The following TRPC3 variants were observed in gnomAD, a reference collection of about 807,000 sequenced individuals.
The protein encoded by TRPC3 is transient receptor potential cation channel subfamily C member 3, also known as short transient receptor potential channel 3.
TRPC3 carries 54 observed loss-of-function variants against 90.9 expected under a neutral mutation model. That is an observed-to-expected ratio of 0.59 (90% CI 0.48 to 0.75). The LOEUF is 0.75. TRPC3 is among the 30% of genes least tolerant of loss of function. The pLI is 0.00. For missense variants in TRPC3, 918 were observed against 1,194.5 expected (o/e 0.77, Z 3.41); for synonymous variants, 424 against 450.9 (o/e 0.94, Z 0.75).
intron 9 of TRPC3, among the ~76,000 whole-genome samples, chr4:121,901,690 C>CA (rs1728704446): frequency 6.6e-6 from 1 of 152,162 alleles, no homozygotes; most frequent in Non-Finnish European, 1.5e-5. Context: ...CAAAGTTAGA[C>CA]AATTGTCTAC....
chr4:121,925,787 G>A (rs1196892494), intron 2 of TRPC3, among the ~76,000 whole-genome samples: 1 of 152,042 alleles, frequency 6.6e-6, no homozygotes, highest in African/African-American at 2.4e-5. Context: ...GCATCCCATG[G>A]TACCCATGGT....
At chr4:121,933,515 A>G (rs1276676901) in intron 1 of TRPC3, 1 of 152,714 alleles carries the variant, frequency 6.5e-6, no homozygotes. Flanking sequence ...TTAACTAAAT[A>G]AAATCATTGA....
intron 2 of TRPC3, chr4:121,930,827 A>C (rs1391964037): frequency 1.2e-5 from 4 of 330,316 alleles, no homozygotes; most frequent in Non-Finnish European, 2.2e-5. Flanking sequence ...TTGCTCTGAG[A>C]TCTAAAAAAA....
intron 10 of TRPC3, among the ~76,000 whole-genome samples, chr4:121,890,146 C>T (rs144962874): frequency 6.6e-6 from 1 of 152,192 alleles, no homozygotes; most frequent in African/African-American, 2.4e-5. Context: ...AGAATAGTGG[C>T]TACCAGAAGT....
chr4:121,881,140 G>A (rs1440446281), intron 11 of TRPC3, among the ~76,000 whole-genome samples: 7 of 152,140 alleles, frequency 4.6e-5, no homozygotes, highest in Admixed American at 4.6e-4. Flanking sequence ...CCGACTCATG[G>A]GGAGACTACA....
chr4:121,931,559 TA>T (rs33998357), intron 2 of TRPC3, among the ~76,000 whole-genome samples: 90,162 of 151,980 alleles, frequency 0.59, 26,917 homozygotes, highest in East Asian at 0.8. Flanking sequence ...GTTCACTTAT[TA>T]AAAAAAATCT....
rs1225269926 is a variant in TRPC3 at position 121,882,348 on chromosome 4, G to A, written c.2623+6C>T. 1.2e-6 allele frequency: 2 copies of A among 1,605,612 alleles called. No individual in the cohort carries two copies. The highest frequency in any genetic ancestry group is 3.4e-5 in the Admixed American group (2 of 59,182). On this transcript the variant is annotated splice_donor_region_variant and intron_variant, in intron 11 of 11. Transcript: ENST00000379645. The stretch of plus-strand genomic sequence containing the variant: ...AAAGGATATTTTTTAAGTTGGAGAT[G>A]CTTACCTTCATTAACTTCATCATTT...
At chr4:121,942,912 G>A (rs1277572450) in intron 1 of TRPC3, among the ~76,000 whole-genome samples, 1 of 152,212 alleles carries the variant, frequency 6.6e-6, no homozygotes, top group Non-Finnish European at 1.5e-5. Flanking sequence ...AAGTATTCAA[G>A]CAAATGCCTT....
rs576309245 is a variant in TRPC3, at chr4:121,896,785, A to T, written c.2547+2827T>A. On this transcript the variant is annotated intron_variant, in intron 10 of 11. Transcript: ENST00000379645. ...CAATGACATTATTCACAGAAATAGA[A>T]ATAATATCCTAAAATTTGTAGGGAA... 4.6e-5 allele frequency among the ~76,000 whole-genome samples: 7 copies of T among 152,306 alleles called. No individual in the cohort carries two copies. The South Asian group carries it at 1.5e-3, about 32-fold the overall frequency.
intron 1 of TRPC3, among the ~76,000 whole-genome samples, chr4:121,945,772 G>C (rs950868020): frequency 5.9e-5 from 9 of 152,060 alleles, no homozygotes; most frequent in African/African-American, 2.2e-4. Context: ...TCTAGACGTG[G>C]GGATACCAGG....
At chr4:121,915,547 A>T (rs1280336957) in intron 3 of TRPC3, among the ~76,000 whole-genome samples, 2 of 152,218 alleles carry the variant, frequency 1.3e-5, no homozygotes, top group African/African-American at 2.4e-5. Context: ...ACTGGCACCA[A>T]ATGCCACTTC....
rs557687595 is a variant in TRPC3 at position 121,894,159 on chromosome 4, C to T, written c.2547+5453G>A. On this transcript the variant is annotated intron_variant, in intron 10 of 11. Transcript: ENST00000379645. ...AATAGCTAAATATTAGCAATATCCT[C>T]TATTTTCATCAATAAAAGAATGATT... Among the ~76,000 whole-genome samples the T allele has an allele frequency of 9.9e-5, 15 of 152,182 alleles. No homozygotes were observed. In the South Asian group the frequency reaches 3.1e-3, roughly 32 times the overall value.
At chr4:121,928,434 G>A (rs1053754771) in intron 2 of TRPC3, among the ~76,000 whole-genome samples, 1 of 152,164 alleles carries the variant, frequency 6.6e-6, no homozygotes, top group Non-Finnish European at 1.5e-5. Context: ...GGGAAAGATG[G>A]AGAACTCCAG....
intron 10 of TRPC3, among the ~76,000 whole-genome samples, chr4:121,889,522 A>C (rs1728246474): frequency 6.6e-6 from 1 of 152,188 alleles, no homozygotes; most frequent in South Asian, 2.1e-4. Context: ...AACCACAATA[A>C]GATTTCACCT....
At chr4:121,882,492 T>G in intron 10 of TRPC3, 63 bp from the exon 11 acceptor site, 2 of 1,491,350 alleles carry the variant, frequency 1.3e-6, no homozygotes, top group South Asian at 2.4e-5. Flanking sequence ...AATCCTATTT[T>G]CCAAAGAGGC....
At chr4:121,911,352 T>C (rs956450037) in intron 5 of TRPC3, among the ~76,000 whole-genome samples, 1 of 152,250 alleles carries the variant, frequency 6.6e-6, no homozygotes. Flanking sequence ...AACACAGCTA[T>C]TCAAAATGGG....
rs1422694601 is a variant in TRPC3 at position 121,877,492 on chromosome 4, A to G, written c.*2244T>C. On this transcript the variant is annotated 3_prime_UTR_variant, in exon 12 of 12. Coordinates refer to ENST00000379645, the MANE Select transcript of TRPC3 (RefSeq NM_001130698.2). ...AGGCGGAGGCATCACATCCCGAGCA[A>G]GGCTTCTTCTTTTTAGCTGAGGGCA... 6.6e-6 allele frequency among the ~76,000 whole-genome samples: 1 copy of G among 152,122 alleles called. No homozygotes were observed. Among genetic ancestry groups the G allele is most frequent in the East Asian group, 1.9e-4 (1 of 5,184 alleles).
chr4:121,921,909 G>GGT (rs1729527447), intron 3 of TRPC3, among the ~76,000 whole-genome samples: 6 of 119,604 alleles, frequency 5.0e-5, no homozygotes, highest in African/African-American at 1.4e-4. Flanking sequence ...TGTTTTTTGG[G>GGT]TTTTTTTTTG....
rs1344784823 is a variant in TRPC3 at position 121,912,085 on chromosome 4, T to C, written c.1350A>G (p.Lys450=). 2.5e-6 allele frequency: 4 copies of C among 1,613,144 alleles called. No individual in the cohort carries two copies. The highest frequency in any genetic ancestry group is 2.2e-5 in the East Asian group (1 of 44,878). ...YWIAPCSRLG[K]ILRSPFMKFV... is the part of the protein sequence containing the mutation. Reference sequence around the variant, plus strand: ...ACTTCATAAAAGGGCTTCGCAGAATTTTCCCCAGCTGTAACAAACCAAAGA... The same window carrying C: ...ACTTCATAAAAGGGCTTCGCAGAATCTTCCCCAGCTGTAACAAACCAAAGA... The change falls in exon 5 of 12, where the codon AAA becomes AAG. Residue 450 remains lysine, a synonymous_variant. Transcript: ENST00000379645.
Sources: allele counts gnomAD v4.1 joint callset (sites outside exome capture counted in the v4.1 genomes callset), GRCh38; gene constraint gnomAD v4.1.1; transcripts MANE v1.5; gene names NCBI Gene and HGNC (gene_info 2026-07-23, HGNC 2026-07-21).